PRELID2: variants seen among roughly 807,000 people sequenced by gnomAD.
PRELID2 encodes the protein PRELI domain containing 2, also known as PRELI domain-containing protein 2.
PRELID2 carries 25 observed loss-of-function variants against 28.4 expected under a neutral mutation model. The observed-to-expected ratio is 0.88, with a 90% CI of 0.64 to 1.23. The LOEUF (loss-of-function observed/expected upper bound fraction) is 1.23. Among genes scored for constraint, PRELID2 ranks in the 50% most tolerant of loss-of-function variants. The probability of loss-of-function intolerance (pLI) is 0.00; values close to 1 mark genes in which losing one functional copy is unlikely to be tolerated. For missense variants in PRELID2, 201 were observed against 214.4 expected (o/e 0.94, Z 0.39); for synonymous variants, 76 against 71.6 (o/e 1.06, Z -0.31).
At chr5:145,826,278 G>T in intron 1 of PRELID2, 1 of 640,834 alleles carries the variant, frequency 1.6e-6, no homozygotes, top group Non-Finnish European at 1.9e-6. Flanking sequence ...GGTTCACATG[G>T]GATTCTTCAA....
At chr5:145,420,327 T>A in the PRELID2 span, among the ~76,000 whole-genome samples, 1 of 152,106 alleles carries the variant, frequency 6.6e-6, no homozygotes, top group Admixed American at 6.5e-5. Context: ...TTGGGCAGTA[T>A]GGCCATTTTC....
chr5:145,385,574 T>G, the PRELID2 span, among the ~76,000 whole-genome samples: 1 of 152,108 alleles, frequency 6.6e-6, no homozygotes. Flanking sequence ...AACCATCAAA[T>G]TTTTGCAACT....
At chr5:145,559,819 T>C (rs1356595052) in intron 1 of PRELID2, among the ~76,000 whole-genome samples, 2 of 126,682 alleles carry the variant, frequency 1.6e-5, no homozygotes, top group African/African-American at 5.6e-5. Flanking sequence ...GAATATATTT[T>C]CCTTGGTAAA....
In PRELID2 at chr5:145,632,222, T is replaced by C. The variant is rs146513890; in HGVS notation, n.70+132709A>G. Among the ~76,000 whole-genome samples the C allele has an allele frequency of 4.8e-3, 724 of 152,270 alleles. 1 individual carries two copies. Among genetic ancestry groups the C allele is most frequent in the Middle Eastern group, 0.01 (3 of 294 alleles). The stretch of plus-strand genomic sequence containing the variant: ...CGGAGGTCTATGTTTCTCTCTTTCT[T>C]ACGGTAATTGTAAATACTTCAAAAT... On this transcript the variant is annotated intron_variant and non_coding_transcript_variant, in intron 1 of 2. Transcript: ENST00000510259.
At chr5:145,447,318 T>C in the PRELID2 span, among the ~76,000 whole-genome samples, 22 of 151,890 alleles carry the variant, frequency 1.4e-4, no homozygotes, top group Non-Finnish European at 3.2e-4. Flanking sequence ...CCAGGATATA[T>C]GAATAATGGC....
At chr5:145,383,201 T>C in the PRELID2 span, among the ~76,000 whole-genome samples, 1 of 151,522 alleles carries the variant, frequency 6.6e-6, no homozygotes, top group African/African-American at 2.4e-5. Context: ...TCCATATACA[T>C]GTGTGTATAT....
At chr5:145,615,577 C>T (rs368583689) in intron 1 of PRELID2, among the ~76,000 whole-genome samples, 6 of 149,802 alleles carry the variant, frequency 4.0e-5, no homozygotes, top group Admixed American at 2.0e-4. Flanking sequence ...CTGCCCGCCT[C>T]GGCCTCCCAA....
the PRELID2 span, among the ~76,000 whole-genome samples, chr5:145,392,104 T>A: frequency 6.6e-6 from 1 of 152,284 alleles, no homozygotes. Context: ...TTTTCAGGTA[T>A]CTTTATAGCA....
At chr5:145,352,036 G>A in the PRELID2 span, among the ~76,000 whole-genome samples, 1 of 152,168 alleles carries the variant, frequency 6.6e-6, no homozygotes, top group African/African-American at 2.4e-5. Context: ...GCTTTCATGG[G>A]CTGACGTTGA....
chr5:145,535,510 T>C (rs1752691267), intron 1 of PRELID2, among the ~76,000 whole-genome samples: 1 of 151,880 alleles, frequency 6.6e-6, no homozygotes, highest in African/African-American at 2.4e-5. Flanking sequence ...ATAAGGAGTA[T>C]TTTTTATTAT....
chr5:145,546,148 T>C (rs1332151681), intron 1 of PRELID2, among the ~76,000 whole-genome samples: 3 of 152,188 alleles, frequency 2.0e-5, no homozygotes, highest in Non-Finnish European at 2.9e-5. Flanking sequence ...GACATTATTA[T>C]CATTATATTT....
At chr5:145,606,771 T>C (rs1403181894) in intron 1 of PRELID2, among the ~76,000 whole-genome samples, 1 of 152,168 alleles carries the variant, frequency 6.6e-6, no homozygotes, top group Non-Finnish European at 1.5e-5. Flanking sequence ...AGGATGATGC[T>C]GGCCTTATGG....
At chr5:145,440,536 A>G in the PRELID2 span, among the ~76,000 whole-genome samples, 3 of 152,160 alleles carry the variant, frequency 2.0e-5, no homozygotes, top group African/African-American at 7.2e-5. Context: ...TGGCCAAATT[A>G]TTAAGCACAT....
intron 1 of PRELID2, among the ~76,000 whole-genome samples, chr5:145,559,883 T>C (rs1416200600): frequency 6.6e-6 from 1 of 151,708 alleles, no homozygotes; most frequent in Admixed American, 6.6e-5. Context: ...GAATACCCTC[T>C]TTATTGTATA....
intron 5 of PRELID2, among the ~76,000 whole-genome samples, chr5:145,773,281 T>C (rs1490303188): frequency 2.0e-5 from 3 of 152,222 alleles, no homozygotes; most frequent in Non-Finnish European, 2.9e-5. Context: ...GAATGAAAGA[T>C]CAATTAATAA....
intron 2 of PRELID2, among the ~76,000 whole-genome samples, chr5:145,822,009 TA>T (rs1754863390): frequency 6.6e-6 from 1 of 152,186 alleles, no homozygotes; most frequent in Non-Finnish European, 1.5e-5. Context: ...ATTTTTAATA[TA>T]TCTATATGGT....
chr5:145,518,001 G>T (rs549849676), intron 1 of PRELID2, among the ~76,000 whole-genome samples: 212 of 152,080 alleles, frequency 1.4e-3, no homozygotes, highest in Middle Eastern at 0.014. Flanking sequence ...GTGGGTGGTG[G>T]GCTAGGGGAC....
At chr5:145,696,156 C>CTTTTTTTTTTTTTTTTTTTTTT (rs10591669) in intron 1 of PRELID2, among the ~76,000 whole-genome samples, 1 of 60,020 alleles carries the variant, frequency 1.7e-5, no homozygotes. Flanking sequence ...TAAATAATAG[C>CTTTTTTTTTTTTTTTTTTTTTT]TTTTTTTTTT....
At chr5:145,722,115 C>A (rs1211880218) in intron 1 of PRELID2, among the ~76,000 whole-genome samples, 2 of 151,950 alleles carry the variant, frequency 1.3e-5, no homozygotes, top group African/African-American at 2.4e-5. Context: ...AAACATTAAA[C>A]CCTGATAATA....
Sources: gnomAD v4.1 joint callset for allele counts (sites outside exome capture counted in the v4.1 genomes callset) on GRCh38, gnomAD v4.1.1 for gene constraint, MANE v1.5 for transcripts, NCBI Gene and HGNC (gene_info 2026-07-23, HGNC 2026-07-21) for gene names.